Variants in STARD8 observed in about 807,000 individuals in gnomAD.
The protein encoded by STARD8 is StAR related lipid transfer domain containing 8.
In STARD8, 25 loss-of-function variants were observed where a neutral mutation model predicts 69.4. That is an observed-to-expected ratio of 0.36 (90% CI 0.26 to 0.50). STARD8 has a LOEUF of 0.50. STARD8 is among the 20% of genes least tolerant of loss of function. STARD8 has a pLI of 0.96. For synonymous variants in STARD8, 389 were observed against 374.6 expected, an observed-to-expected ratio of 1.04 and a Z score of -0.45; for missense variants, 921 against 932.5, an observed-to-expected ratio of 0.99 and a Z score of 0.16.
intron 1 of STARD8, among the ~76,000 whole-genome samples, chrX:68,664,944 G>A (rs996742355): frequency 1.5e-4 from 17 of 111,835 alleles, no homozygotes; most frequent in Non-Finnish European, 2.6e-4. Flanking sequence ...CTGTGAAGTC[G>A]GGATTATTGC....
intron 2 of STARD8, among the ~76,000 whole-genome samples, chrX:68,667,265 C>T (rs1430554462): frequency 8.9e-6 from 1 of 112,162 alleles, no homozygotes; most frequent in Admixed American, 9.4e-5. Flanking sequence ...GGAATCAAAG[C>T]ACCTGGATTT....
Position 68,722,466 on chromosome X carries a change from A to T in STARD8, c.2619A>T (p.Ala873=). Residue 873 remains alanine, a synonymous_variant, in exon 12 of 15, where the codon GCA becomes GCT. Transcript: ENST00000374599. ...TGCAGCTGTGCAGCTCCTACAGCGC[A>T]GCTGAGCTCAGCCCTCCCGGCCCAG... ...MVLQLCSSYS[A]AELSPPGPAL... 1 of 1,208,851 alleles carries T rather than the reference A, an allele frequency of 8.3e-7. No homozygotes were observed. Among genetic ancestry groups the T allele is most frequent in the South Asian group, 1.8e-5 (1 of 56,454 alleles).
Position 68,692,611 on chromosome X carries a change from A to G in STARD8, c.80-20303A>G, listed in dbSNP as rs188735084. On this transcript the variant is annotated intron_variant, in intron 2 of 14. Coordinates refer to ENST00000374599, the MANE Select transcript of STARD8 (RefSeq NM_001142503.3). ...GAAAATAACCAGTGTACAGGTATTGACCCTGCCATGGATTTGCTGAGTAAA... is the reference window on the plus strand; with the variant it reads ...GAAAATAACCAGTGTACAGGTATTGGCCCTGCCATGGATTTGCTGAGTAAA... 2.7e-5 allele frequency among the ~76,000 whole-genome samples: 3 copies of G among 112,467 alleles called. No individual in the cohort carries two copies. The East Asian group carries it at 8.4e-4, about 31-fold the overall frequency.
chrX:68,718,068 A>C lies in STARD8; in HGVS notation c.1154A>C (p.Tyr385Ser), dbSNP rs201447670. The C allele has an allele frequency of 8.3e-7, 1 of 1,211,261 alleles. No homozygotes were observed. The highest frequency in any genetic ancestry group is 1.1e-6 in the Non-Finnish European group (1 of 895,295). Residue 385 changes from tyrosine to serine, a missense_variant, in exon 6 of 15, where the codon TAT (tyrosine) becomes TCT (serine). Tyr to Ser is a moderately radical substitution (Grantham distance 144, BLOSUM62 -2). Transcript: ENST00000374599. Reference protein sequence around the residue: ...DEDDEESGGSYAHLDDILQHV... With the variant: ...DEDDEESGGSSAHLDDILQHV... Reference sequence around the variant, plus strand: ...GATGATGAGGAGAGTGGGGGCAGCTATGCTCACCTAGACGACATCCTCCAG... The same window carrying C: ...GATGATGAGGAGAGTGGGGGCAGCTCTGCTCACCTAGACGACATCCTCCAG...
chrX:68,723,141 C>T (rs781569424), intron 12 of STARD8, among the ~76,000 whole-genome samples: 1 of 112,559 alleles, frequency 8.9e-6, no homozygotes, highest in Non-Finnish European at 1.9e-5. Flanking sequence ...CTTTCTTGGA[C>T]GTGGATTCTG....
chrX:68,722,707 A>C (rs1040232325), intron 12 of STARD8, 61 bp downstream of exon 12: 1 of 1,117,656 alleles, frequency 8.9e-7, no homozygotes, highest in African/African-American at 1.8e-5. Context: ...AGGCAAGGGT[A>C]GTCAGAGAAC....
chrX:68,711,799 G>T (rs1217069306), intron 2 of STARD8, among the ~76,000 whole-genome samples: 2 of 112,228 alleles, frequency 1.8e-5, no homozygotes, highest in African/African-American at 6.5e-5. Context: ...TGGTCAGGGG[G>T]GCCAGGCGAG....
chrX:68,691,577 T>C (rs1254144066), intron 2 of STARD8, among the ~76,000 whole-genome samples: 1 of 112,358 alleles, frequency 8.9e-6, no homozygotes, highest in African/African-American at 3.2e-5. Context: ...AATGTCACAA[T>C]GTGCATGGCA....
intron 2 of STARD8, among the ~76,000 whole-genome samples, chrX:68,672,577 G>T (rs1206268881): frequency 8.9e-6 from 1 of 112,021 alleles, no homozygotes; most frequent in Non-Finnish European, 1.9e-5. Context: ...CCCAAGCCTT[G>T]GTCTGCCTGG....
At position 68,722,410 on chromosome X, in the gene STARD8, G is replaced by T. The variant is rs892704704; in HGVS notation, c.2575-12G>T. ...TCTGGAGCTGCAGCCCATTGTGTGT[G>T]TGCCCTCTCAGGTGCCCCAGGACAT... On this transcript the variant is annotated splice_polypyrimidine_tract_variant and intron_variant, in intron 11 of 14. Transcript: ENST00000374599. 4 of 1,179,739 alleles carry T rather than the reference G, an allele frequency of 3.4e-6. No individual in the cohort carries two copies. Among genetic ancestry groups the T allele is most frequent in the Non-Finnish European group, 3.4e-6 (3 of 879,860 alleles).
At chrX:68,653,269 A>AG in intron 1 of STARD8, among the ~76,000 whole-genome samples, 1 of 64,006 alleles carries the variant, frequency 1.6e-5, no homozygotes, top group Non-Finnish European at 2.8e-5. Flanking sequence ...CACACACCAC[A>AG]CACCACACCA....
At chrX:68,662,978 G>A (rs893125130) in intron 1 of STARD8, among the ~76,000 whole-genome samples, 2 of 111,946 alleles carry the variant, frequency 1.8e-5, no homozygotes, top group African/African-American at 3.2e-5. Flanking sequence ...TAATGAATGA[G>A]TGAATAAATA....
At chrX:68,653,101 CCACA>C (rs1569351071) in intron 1 of STARD8, among the ~76,000 whole-genome samples, 3 of 42,520 alleles carry the variant, frequency 7.1e-5, no homozygotes, top group Non-Finnish European at 1.3e-4. Flanking sequence ...ACCACACACA[CCACA>C]CACACACACC....
chrX:68,705,913 T>A (rs1245827312), intron 2 of STARD8, among the ~76,000 whole-genome samples: 2 of 112,282 alleles, frequency 1.8e-5, no homozygotes, highest in Non-Finnish European at 3.8e-5. Context: ...GGGTGTGCAG[T>A]GTTGAGAGAG....
At chrX:68,659,476 C>T (rs925570418) in intron 1 of STARD8, among the ~76,000 whole-genome samples, 1 of 110,835 alleles carries the variant, frequency 9.0e-6, no homozygotes. Flanking sequence ...CTGCTCCCAC[C>T]CCTGGTCAGA....
chrX:68,703,472 C>T (rs1231610238), intron 2 of STARD8, among the ~76,000 whole-genome samples: 1 of 112,673 alleles, frequency 8.9e-6, no homozygotes, highest in African/African-American at 3.2e-5. Context: ...TAGGCTCCGC[C>T]CCTTGCTATG....
intron 2 of STARD8, among the ~76,000 whole-genome samples, chrX:68,694,894 C>G (rs1039063150): frequency 3.6e-5 from 4 of 110,774 alleles, no homozygotes; most frequent in African/African-American, 1.3e-4. Flanking sequence ...GCCTGGGGCC[C>G]CAGAGGTTGG....
intron 1 of STARD8, 117 bp from the exon 2 acceptor site, chrX:68,665,382 A>G: frequency 1.2e-6 from 1 of 835,880 alleles, no homozygotes; most frequent in East Asian, 3.5e-5. Flanking sequence ...TTGGACCTCC[A>G]TGTGTCTTTC....
intron 2 of STARD8, among the ~76,000 whole-genome samples, chrX:68,687,430 C>A (rs1267953326): frequency 8.9e-6 from 1 of 112,165 alleles, no homozygotes; most frequent in Non-Finnish European, 1.9e-5. Context: ...AACTTCTGAG[C>A]TCAAACAACC....
Sources: gnomAD v4.1 joint callset for allele counts (sites outside exome capture counted in the v4.1 genomes callset) on GRCh38, gnomAD v4.1.1 for gene constraint, MANE v1.5 for transcripts, NCBI Gene and HGNC (gene_info 2026-07-23, HGNC 2026-07-21) for gene names.